The following AIRIM variants were observed in gnomAD, a reference collection of about 807,000 sequenced individuals.
The protein encoded by AIRIM is AFG2 interacting ribosome maturation factor, also known as AFG2-interacting ribosome maturation factor.
the AIRIM span, chr1:37,684,170 G>C: frequency 6.6e-6 from 1 of 152,564 alleles, no homozygotes; most frequent in Non-Finnish European, 1.5e-5. Flanking sequence ...AGAGGGGATG[G>C]GGACAGAGAG....
At chr1:37,681,793 T>C in the AIRIM span, 1 of 152,216 alleles carries the variant, frequency 6.6e-6, no homozygotes, top group African/African-American at 2.4e-5. Context: ...AAATTGTAGA[T>C]ATAATACATT....
At chr1:37,688,338 G>A in the AIRIM span, among the ~76,000 whole-genome samples, 2 of 152,064 alleles carry the variant, frequency 1.3e-5, no homozygotes, top group Admixed American at 6.6e-5. Flanking sequence ...ATAAGCCACC[G>A]TGCCGGGCCA....
At chr1:37,683,015 G>A in the AIRIM span, 10 of 1,220,782 alleles carry the variant, frequency 8.2e-6, no homozygotes, top group African/African-American at 1.4e-4. Flanking sequence ...AGGCACTGAT[G>A]TTTCAAATAT....
chr1:37,686,138 G>A, the AIRIM span: 1 of 777,982 alleles, frequency 1.3e-6, no homozygotes, highest in Non-Finnish European at 2.0e-6. Context: ...TTATACAAAG[G>A]AATGCAGGAA....
chr1:37,683,032 C>A, the AIRIM span: 2 of 1,352,760 alleles, frequency 1.5e-6, no homozygotes, highest in East Asian at 4.6e-5. Flanking sequence ...ATATGTCAGA[C>A]TGAAATACTG....
chr1:37,686,402 A>G, the AIRIM span: 3 of 1,614,014 alleles, frequency 1.9e-6, no homozygotes, highest in African/African-American at 2.7e-5. Flanking sequence ...GATCTGAAAC[A>G]CTCGCTCCAC....
chr1:37,689,465 AG>A, the AIRIM span: 2 of 1,011,670 alleles, frequency 2.0e-6, no homozygotes, highest in African/African-American at 1.8e-5. Context: ...CCACTGCCCC[AG>A]ATGAAGTAAG....
At chr1:37,691,252 C>T in the AIRIM span, 1 of 152,292 alleles carries the variant, frequency 6.6e-6, no homozygotes, top group Non-Finnish European at 1.5e-5. Context: ...GCTTGGACTG[C>T]TCTGTCCCCA....
the AIRIM span, chr1:37,690,017 T>G: frequency 7.0e-7 from 1 of 1,419,622 alleles, no homozygotes; most frequent in Non-Finnish European, 9.2e-7. Flanking sequence ...GAAGCAGGGT[T>G]TTTTTTTTGT....
At chr1:37,688,048 T>C in the AIRIM span, among the ~76,000 whole-genome samples, 2 of 151,744 alleles carry the variant, frequency 1.3e-5, no homozygotes, top group South Asian at 4.2e-4. Flanking sequence ...AGGCCTCTGC[T>C]CCTGTCATAC....
chr1:37,690,023 T>G, the AIRIM span: 1 of 1,422,782 alleles, frequency 7.0e-7, no homozygotes, highest in Non-Finnish European at 9.1e-7. Context: ...GGGTTTTTTT[T>G]TTGTTTTTTT....
chr1:37,689,595 G>C, the AIRIM span: 1 of 1,580,238 alleles, frequency 6.3e-7, no homozygotes, highest in Non-Finnish European at 8.6e-7. Flanking sequence ...CAGCACTAGG[G>C]AGCTGCTTAC....
At chr1:37,682,476 CCA>C in the AIRIM span, 1 of 152,596 alleles carries the variant, frequency 6.6e-6, no homozygotes, top group African/African-American at 2.4e-5. Context: ...CTCACCATGC[CCA>C]GTTACTTCCT....
chr1:37,683,025 T>C, the AIRIM span: 1 of 1,282,842 alleles, frequency 7.8e-7, no homozygotes, highest in Non-Finnish European at 1.1e-6. Context: ...GTTTCAAATA[T>C]GTCAGACTGA....
chr1:37,688,010 C>T, the AIRIM span, among the ~76,000 whole-genome samples: 1 of 151,418 alleles, frequency 6.6e-6, no homozygotes, highest in Non-Finnish European at 1.5e-5. Flanking sequence ...GGCTGAGCTG[C>T]CATACCCAGC....
chr1:37,685,393 T>G, the AIRIM span, among the ~76,000 whole-genome samples: 1 of 150,552 alleles, frequency 6.6e-6, no homozygotes, highest in Admixed American at 6.6e-5. Context: ...TTTTTTTTTT[T>G]TTTGGAGACA....
At chr1:37,689,772 G>A in the AIRIM span, 1 of 1,613,460 alleles carries the variant, frequency 6.2e-7, no homozygotes. Context: ...GACAGGAGGG[G>A]CTGGCAGTCC....
At chr1:37,689,741 T>C in the AIRIM span, 1 of 1,613,892 alleles carries the variant, frequency 6.2e-7, no homozygotes, top group South Asian at 1.1e-5. Context: ...CTGCAGCTGT[T>C]CCGCCAGGTT....
chr1:37,689,679 C>T, the AIRIM span: 1 of 1,614,114 alleles, frequency 6.2e-7, no homozygotes, highest in Non-Finnish European at 8.5e-7. Flanking sequence ...TCTTTTAAAT[C>T]TGGGAAGGCC....
Sources: allele counts gnomAD v4.1 joint callset (sites outside exome capture counted in the v4.1 genomes callset), GRCh38; gene constraint gnomAD v4.1.1; transcripts MANE v1.5; gene names NCBI Gene and HGNC (gene_info 2026-07-23, HGNC 2026-07-21).